The following IQSEC1 variants were observed in gnomAD, a reference collection of about 807,000 sequenced individuals.
IQSEC1 encodes the protein IQ motif and SEC7 domain-containing protein 1.
A neutral mutation model predicts 91.0 loss-of-function variants in IQSEC1; 31 were observed. That is an observed-to-expected ratio of 0.34 (90% CI 0.26 to 0.46). IQSEC1 has a LOEUF of 0.46. IQSEC1 is among the 20% of genes least tolerant of loss of function. The pLI is 1.00. For synonymous variants in IQSEC1, 699 were observed against 662.6 expected (o/e 1.05, Z -0.84); for missense variants, 1,388 against 1,575.6 (o/e 0.88, Z 2.02).
chr3:13,060,013 G>A (rs1463407232), intron 1 of IQSEC1, among the ~76,000 whole-genome samples: 2 of 152,216 alleles, frequency 1.3e-5, no homozygotes, highest in Non-Finnish European at 2.9e-5. Context: ...GCCGGCTTGG[G>A]GATGGCATCC....
intron 1 of IQSEC1, among the ~76,000 whole-genome samples, chr3:13,015,018 A>C (rs1408796416): frequency 6.6e-6 from 1 of 151,850 alleles, no homozygotes; most frequent in African/African-American, 2.4e-5. Context: ...CTCAGCCATA[A>C]ACCTCCATTT....
At chr3:13,167,646 G>T (rs1693524013) in intron 1 of IQSEC1, among the ~76,000 whole-genome samples, 1 of 152,176 alleles carries the variant, frequency 6.6e-6, no homozygotes, top group Non-Finnish European at 1.5e-5. Context: ...GACAAGGAGA[G>T]TCTCTGGCTG....
Position 12,909,689 on chromosome 3 carries a change from C to T in IQSEC1, c.2417-255G>A, listed in dbSNP as rs1695380882. On this transcript the variant is annotated intron_variant, in intron 10 of 13. Coordinates refer to ENST00000613206, the MANE Select transcript of IQSEC1 (RefSeq NM_001134382.3). The surrounding 1 kb of genome is among the most constrained non-coding windows in gnomAD (Gnocchi z 4.9). ...CGAGCTCAGGGGAGGCTGCTGGGGC[C>T]GCGTCCTGGAGGAGGACAGAGGTTG... is the stretch of plus-strand genomic sequence containing the variant. Among the ~76,000 whole-genome samples the T allele has an allele frequency of 1.3e-5, 2 of 152,218 alleles. No homozygotes were observed. The highest frequency in any genetic ancestry group is 3.2e-3 in the Middle Eastern group (1 of 316).
rs111268055 is a variant in IQSEC1 at position 13,257,528 on chromosome 3, G to A, written c.272+25183C>T. 6.3e-3 allele frequency among the ~76,000 whole-genome samples: 961 copies of A among 151,482 alleles called. 14 individuals are homozygous for A. Among genetic ancestry groups the A allele is most frequent in the African/African-American group, 0.022 (904 of 41,266 alleles). On this transcript the variant is annotated intron_variant, in intron 1 of 15. Transcript: ENST00000648114. ...TCATTGCACTGCCCCAGCCCTTCCC[G>A]CCCCCGCCTGGTGCAGTCCACGAAG...
chr3:12,986,743 G>A (rs1305404247), intron 1 of IQSEC1, among the ~76,000 whole-genome samples: 1 of 152,178 alleles, frequency 6.6e-6, no homozygotes, highest in African/African-American at 2.4e-5. Flanking sequence ...TGAAGAGGAC[G>A]AGGAGCTGGG....
intron 2 of IQSEC1, among the ~76,000 whole-genome samples, chr3:12,939,113 T>C (rs1432943168): frequency 6.6e-6 from 1 of 152,064 alleles, no homozygotes; most frequent in Non-Finnish European, 1.5e-5. Context: ...CAGCTTCTGC[T>C]CTCCCGAGGG....
At chr3:13,204,805 C>CT (rs536785311) in intron 1 of IQSEC1, among the ~76,000 whole-genome samples, 15,609 of 139,072 alleles carry the variant, frequency 0.11, 1,037 homozygotes, top group East Asian at 0.31. Flanking sequence ...ATCTTTCTTT[C>CT]TTTTTTTTTT....
At chr3:12,951,576 G>A (rs541152349) in intron 1 of IQSEC1, among the ~76,000 whole-genome samples, 1 of 152,360 alleles carries the variant, frequency 6.6e-6, no homozygotes, top group Admixed American at 6.5e-5. Context: ...CTAGTCTTGA[G>A]CGGAGGCAGC....
At chr3:12,986,961 C>A in intron 1 of IQSEC1, 1 of 409,472 alleles carries the variant, frequency 2.4e-6, no homozygotes, top group South Asian at 1.7e-5. Context: ...CCATCCCACC[C>A]TTCCCTTACC....
At chr3:13,112,056 C>T (rs1016974732) in intron 2 of IQSEC1, among the ~76,000 whole-genome samples, 3 of 152,196 alleles carry the variant, frequency 2.0e-5, no homozygotes, top group African/African-American at 4.8e-5. Context: ...GCTTTGCACA[C>T]GCTGTTCCCC....
chr3:12,943,163 G>A (rs968191140), intron 1 of IQSEC1, among the ~76,000 whole-genome samples: 4 of 152,218 alleles, frequency 2.6e-5, no homozygotes, highest in Non-Finnish European at 4.4e-5. Context: ...CAGGTAGGAA[G>A]TAGGTGAGTC....
intron 1 of IQSEC1, among the ~76,000 whole-genome samples, chr3:12,980,018 C>T (rs370343437): frequency 2.6e-5 from 4 of 152,356 alleles, no homozygotes; most frequent in Admixed American, 1.3e-4. Flanking sequence ...TTCCACTCTT[C>T]CTGGGAACAA....
chr3:13,203,866 G>A (rs1438667186), intron 1 of IQSEC1, among the ~76,000 whole-genome samples: 1 of 152,218 alleles, frequency 6.6e-6, no homozygotes, highest in Non-Finnish European at 1.5e-5. Context: ...CACGTGCGGG[G>A]CCCTGAGCGT....
chr3:13,266,106 T>G (rs1576316190), intron 1 of IQSEC1, among the ~76,000 whole-genome samples: 1 of 152,024 alleles, frequency 6.6e-6, no homozygotes, highest in Non-Finnish European at 1.5e-5. Context: ...TGGCTAGGCC[T>G]TGTCTGAGGG....
At position 12,899,484 on chromosome 3, in the gene IQSEC1, G is replaced by C. The variant is rs1321462196; in HGVS notation, c.*1499C>G. 101 of 1,592,770 alleles carry C rather than the reference G, an allele frequency of 6.3e-5. No homozygotes were observed. The highest frequency in any genetic ancestry group is 8.5e-5 in the Non-Finnish European group (99 of 1,169,866). ...CTCGGGCACAGACCTGCCGCGTGCA[G>C]GTCTGGCCCTGGGGAGCGCATGGTG... On this transcript the variant is annotated 3_prime_UTR_variant, in exon 14 of 14. Coordinates refer to ENST00000613206, the MANE Select transcript of IQSEC1 (RefSeq NM_001134382.3).
intron 1 of IQSEC1, among the ~76,000 whole-genome samples, chr3:12,957,254 C>T (rs1052971665): frequency 2.6e-5 from 4 of 152,190 alleles, no homozygotes; most frequent in Non-Finnish European, 4.4e-5. Flanking sequence ...TCTGCATGGC[C>T]TCACCTTCTC....
intron 1 of IQSEC1, among the ~76,000 whole-genome samples, chr3:12,998,098 C>G (rs1229068921): frequency 1.3e-5 from 2 of 152,188 alleles, no homozygotes; most frequent in African/African-American, 4.8e-5. Flanking sequence ...ACCTGTAATT[C>G]CAGCACTTTG....
At chr3:13,059,242 T>C (rs57252083) in intron 1 of IQSEC1, among the ~76,000 whole-genome samples, 8,392 of 152,192 alleles carry the variant, frequency 0.055, 820 homozygotes, top group African/African-American at 0.19. Context: ...GCAATGGCGC[T>C]GCCACCCATC....
At chr3:12,903,049 CA>C (rs774361090) in intron 12 of IQSEC1, among the ~76,000 whole-genome samples, 1 of 149,618 alleles carries the variant, frequency 6.7e-6, no homozygotes, top group Non-Finnish European at 1.5e-5. Flanking sequence ...TTTCGAAAAG[CA>C]AAAAAAAAAT....
Sources: allele counts gnomAD v4.1 joint callset (sites outside exome capture counted in the v4.1 genomes callset), GRCh38; gene constraint gnomAD v4.1.1; non-coding constraint Gnocchi (gnomAD v3.1); transcripts MANE v1.5; gene names NCBI Gene and HGNC (gene_info 2026-07-23, HGNC 2026-07-21).